Variants in CNOT8 observed in about 807,000 individuals in gnomAD.
CNOT8 encodes the protein CAF1-like protein.
In CNOT8, 18 loss-of-function variants were observed where a neutral mutation model predicts 34.6. The observed-to-expected ratio is 0.52, with a 90% CI of 0.36 to 0.77. The LOEUF is 0.77. Among genes scored for constraint, CNOT8 ranks in the 30% least tolerant of loss-of-function variants. CNOT8 has a pLI of 0.00. For synonymous variants in CNOT8, 101 were observed against 118.8 expected, an observed-to-expected ratio of 0.85 and a Z score of 0.98; for missense variants, 189 against 347.9, an observed-to-expected ratio of 0.54 and a Z score of 3.63.
chr5:154,871,665 A>C, intron 4 of CNOT8, 65 bp from the exon 5 acceptor site: 1 of 1,502,172 alleles, frequency 6.7e-7, no homozygotes, highest in Middle Eastern at 1.7e-4. Context: ...TGAGAAATAA[A>C]ATGGTTGAAC....
Position 154,865,228 on chromosome 5 carries a change from G to T in CNOT8, c.154G>T (p.Gly52Cys). The change falls in exon 3 of 7, where the codon GGT becomes TGT. Residue 52 changes from glycine to cysteine, a missense_variant. This residue lies in a region of CNOT8 where 160 missense variants were observed against 321.9 expected (regional missense o/e 0.50). Coordinates refer to ENST00000285896, the MANE Select transcript of CNOT8 (RefSeq NM_001301073.2). ...EFPGVVVRPI[G>C]EFRSSIDYQY... is the part of the protein sequence containing the mutation. ...TCCAGGTGTTGTGGTGCGACCAATT[G>T]GTGAATTTCGTAGTTCCATAGATTA... is the stretch of plus-strand genomic sequence containing the variant. 6.2e-7 allele frequency: 1 copy of T among 1,603,552 alleles called. No individual in the cohort carries two copies. The highest frequency in any genetic ancestry group is 8.5e-7 in the Non-Finnish European group (1 of 1,176,842).
chr5:154,871,193 C>G (rs948540921), intron 4 of CNOT8, among the ~76,000 whole-genome samples: 1 of 152,078 alleles, frequency 6.6e-6, no homozygotes, highest in Non-Finnish European at 1.5e-5. Flanking sequence ...TTTGGTGAAT[C>G]GAATCTACAA....
At chr5:154,875,266 A>G (rs1279711212) in intron 6 of CNOT8, 24 bp from the exon 7 acceptor site, 10 of 1,612,650 alleles carry the variant, frequency 6.2e-6, no homozygotes, top group African/African-American at 2.7e-5. Flanking sequence ...AACTCTCACC[A>G]TGGTTCTCTG....
intron 3 of CNOT8, among the ~76,000 whole-genome samples, chr5:154,868,447 T>G (rs1194088180): frequency 6.6e-6 from 1 of 151,882 alleles, no homozygotes; most frequent in Non-Finnish European, 1.5e-5. Flanking sequence ...GTATTTTTAG[T>G]AAAGACGGGG....
At chr5:154,859,009 T>A (rs1271683582) in intron 1 of CNOT8, among the ~76,000 whole-genome samples, 2 of 152,066 alleles carry the variant, frequency 1.3e-5, no homozygotes, top group Non-Finnish European at 2.9e-5. Context: ...TCTACTCCAA[T>A]CCTCCGAGGT....
At position 154,865,371 on chromosome 5, in the gene CNOT8, C is replaced by A; in HGVS notation, c.297C>A (p.Phe99Leu). Residue 99 changes from phenylalanine (F) to leucine (L), a missense_variant, in exon 3 of 7, where the codon TTC (phenylalanine) becomes TTA (leucine). By Grantham distance (22) the Phe-to-Leu change is conservative. Transcript: ENST00000285896. ...GAATCAATACTTGGCAGTTCAATTT[C>A]AAATTTAACCTTACGTAAGTGATTT... ...PSGINTWQFN[F>L]KFNLTEDMYS... The A allele has an allele frequency of 1.3e-6, 2 of 1,577,994 alleles. No individual in the cohort carries two copies. The highest frequency in any genetic ancestry group is 2.1e-5 in the Admixed American group (1 of 48,032).
Position 154,876,742 on chromosome 5 carries a change from T to A in CNOT8, c.*1303T>A, listed in dbSNP as rs1367286536. The A allele has an allele frequency of 6.5e-6, 1 of 152,680 alleles. No homozygotes were observed. The highest frequency in any genetic ancestry group is 1.5e-5 in the Non-Finnish European group (1 of 68,044). The allele number at this position is 152,680 out of a possible 1,614,324, so 9.5% of individuals were successfully genotyped here. A position where few individuals can be genotyped will look rare whatever the true frequency, so the allele number is the denominator to read the frequency against. The stretch of plus-strand genomic sequence containing the variant: ...TGGTATTTAAGATGCTTGTAAATAC[T>A]ATTTATGTTTTTAATTTTGTAAAAT... On this transcript the variant is annotated 3_prime_UTR_variant, in exon 7 of 7. Coordinates refer to ENST00000285896, the MANE Select transcript of CNOT8 (RefSeq NM_001301073.2).
At chr5:154,874,375 G>A (rs988157773) in intron 6 of CNOT8, among the ~76,000 whole-genome samples, 5 of 151,860 alleles carry the variant, frequency 3.3e-5, no homozygotes, top group African/African-American at 9.7e-5. Flanking sequence ...TCAGGAGTTC[G>A]AGACCAGCCT....
At chr5:154,860,615 A>G (rs538168969) in intron 1 of CNOT8, among the ~76,000 whole-genome samples, 4 of 152,116 alleles carry the variant, frequency 2.6e-5, no homozygotes, top group Non-Finnish European at 4.4e-5. Context: ...TCCTGCTGGT[A>G]TTTAAGTTGC....
chr5:154,866,365 C>T (rs1249380611), intron 3 of CNOT8, among the ~76,000 whole-genome samples: 1 of 152,132 alleles, frequency 6.6e-6, no homozygotes, highest in African/African-American at 2.4e-5. Flanking sequence ...TTTGGCCTCC[C>T]AGAGTGTTGG....
Position 154,875,503 on chromosome 5 carries a change from T to C in CNOT8, c.*64T>C. The stretch of plus-strand genomic sequence containing the variant: ...GGTGCTTACTGTGCTGACTGTGTAC[T>C]TATCTTCCCCAAGAGAAAATGCTTC... On this transcript the variant is annotated 3_prime_UTR_variant, in exon 7 of 7. Coordinates refer to ENST00000285896, the MANE Select transcript of CNOT8 (RefSeq NM_001301073.2). The C allele has an allele frequency of 3.2e-6, 5 of 1,562,790 alleles. No individual in the cohort carries two copies. Among genetic ancestry groups the C allele is most frequent in the Non-Finnish European group, 4.3e-6 (5 of 1,151,140 alleles).
intron 3 of CNOT8, 169 bp from the exon 4 acceptor site, chr5:154,870,489 TATG>T (rs1032368882): frequency 1.0e-5 from 5 of 482,474 alleles, no homozygotes; most frequent in African/African-American, 8.0e-5. Context: ...GTCACAGAAA[TATG>T]ATCTACTTTG....
At chr5:154,866,683 T>A (rs1471325410) in intron 3 of CNOT8, among the ~76,000 whole-genome samples, 1 of 152,084 alleles carries the variant, frequency 6.6e-6, no homozygotes, top group South Asian at 2.1e-4. Context: ...GGTGGGTGGA[T>A]CACTGGATCA....
chr5:154,865,930 C>T (rs565412684), intron 3 of CNOT8, among the ~76,000 whole-genome samples: 85 of 152,120 alleles, frequency 5.6e-4, no homozygotes, highest in African/African-American at 8.2e-4. Context: ...TTGATAGACA[C>T]GTGGGTTTTT....
Position 154,875,587 on chromosome 5 carries a change from G to A in CNOT8, c.*148G>A. On this transcript the variant is annotated 3_prime_UTR_variant, in exon 7 of 7. Transcript: ENST00000285896. Reference sequence around the variant, plus strand: ...GCAGAAAGACTTTTGTTTTACTGAAGACAAAAGATGTTTTTATTTTAGACC... The same window carrying A: ...GCAGAAAGACTTTTGTTTTACTGAAAACAAAAGATGTTTTTATTTTAGACC... 2 of 822,502 alleles carry A rather than the reference G, an allele frequency of 2.4e-6. No individual in the cohort carries two copies. Among genetic ancestry groups the A allele is most frequent in the Non-Finnish European group, 3.6e-6 (2 of 552,962 alleles). The allele number at this position is 822,502 out of a possible 1,614,324, so 51.0% of individuals were successfully genotyped here. A position where few individuals can be genotyped will look rare whatever the true frequency, so the allele number is the denominator to read the frequency against.
At chr5:154,862,547 G>GT (rs1289631869) in intron 1 of CNOT8, among the ~76,000 whole-genome samples, 1 of 152,146 alleles carries the variant, frequency 6.6e-6, no homozygotes, top group African/African-American at 2.4e-5. Flanking sequence ...AAGTGGGATT[G>GT]TTTTTTAGCA....
chr5:154,871,515 G>A (rs567717295), intron 4 of CNOT8, among the ~76,000 whole-genome samples: 19 of 146,548 alleles, frequency 1.3e-4, no homozygotes, highest in Admixed American at 5.5e-4. Flanking sequence ...AGCCGAGATC[G>A]TGCCATTGCA....
At position 154,876,544 on chromosome 5, in the gene CNOT8, A is replaced by G. The variant is rs963209437; in HGVS notation, c.*1105A>G. 2.6e-5 allele frequency: 4 copies of G among 152,592 alleles called. No homozygotes were observed. Among genetic ancestry groups the G allele is most frequent in the African/African-American group, 9.6e-5 (4 of 41,462 alleles). The allele number at this position is 152,592 out of a possible 1,614,324, so 9.5% of individuals were successfully genotyped here. The stretch of plus-strand genomic sequence containing the variant: ...CTTTAAAGCTAGTCATTTCAAAAGC[A>G]TATTGTATTTTTTTGAATGACTACA... On this transcript the variant is annotated 3_prime_UTR_variant, in exon 7 of 7. Transcript: ENST00000285896.
intron 6 of CNOT8, among the ~76,000 whole-genome samples, chr5:154,874,007 C>T (rs183621248): frequency 7.2e-5 from 11 of 152,166 alleles, no homozygotes; most frequent in East Asian, 1.9e-4. Flanking sequence ...GCTTACTGTT[C>T]GTTATCTCAT....
Sources: gnomAD v4.1 joint callset for allele counts (sites outside exome capture counted in the v4.1 genomes callset) on GRCh38, gnomAD v4.1.1 for gene constraint, gnomAD v4.1.1 regional missense constraint, MANE v1.5 for transcripts, NCBI Gene and HGNC (gene_info 2026-07-23, HGNC 2026-07-21) for gene names.